The following SGSM1 variants were observed in gnomAD, a reference collection of about 807,000 sequenced individuals.
SGSM1 encodes the protein small G protein signaling modulator 1, also known as RUN and TBC1 domain containing 2.
SGSM1 carries 73 observed loss-of-function variants against 133.8 expected under a neutral mutation model. The observed-to-expected ratio is 0.55, with a 90% CI of 0.45 to 0.66. The LOEUF (loss-of-function observed/expected upper bound fraction) is 0.66. SGSM1 is among the 30% of genes least tolerant of loss of function. The pLI is 0.00. For missense variants in SGSM1, 1,213 were observed against 1,448.1 expected (o/e 0.84, Z 2.64); for synonymous variants, 563 against 573.0 (o/e 0.98, Z 0.25).
intron 9 of SGSM1, among the ~76,000 whole-genome samples, chr22:24,860,922 A>AAATAT (rs1555926666): frequency 1.3e-4 from 5 of 37,608 alleles, no homozygotes; most frequent in African/African-American, 7.7e-4. Flanking sequence ...AAAAAAAAAA[A>AAATAT]ATATATATAT....
At chr22:24,825,387 C>G (rs542994426) in intron 2 of SGSM1, among the ~76,000 whole-genome samples, 4 of 152,248 alleles carry the variant, frequency 2.6e-5, no homozygotes, top group East Asian at 1.9e-4. Context: ...GAGTCACCCC[C>G]TCTTCTCCCC....
chr22:24,892,638 C>T (rs894225506), intron 16 of SGSM1, among the ~76,000 whole-genome samples: 1 of 152,030 alleles, frequency 6.6e-6, no homozygotes, highest in African/African-American at 2.4e-5. Context: ...TCTTGTATTC[C>T]ATATGGCTAG....
chr22:24,888,870 C>T (rs914520402), intron 16 of SGSM1, among the ~76,000 whole-genome samples: 1 of 151,320 alleles, frequency 6.6e-6, no homozygotes, highest in Non-Finnish European at 1.5e-5. Flanking sequence ...TGAATCTGTC[C>T]TTCTGCCAGT....
intron 16 of SGSM1, among the ~76,000 whole-genome samples, chr22:24,890,419 T>C (rs1391648610): frequency 6.8e-6 from 1 of 146,780 alleles, no homozygotes; most frequent in Non-Finnish European, 1.5e-5. Flanking sequence ...GGTAACAGTT[T>C]ATGTAACTAA....
At chr22:24,806,511 C>G in intron 2 of SGSM1, 27 bp downstream of exon 2, 11 of 1,492,428 alleles carry the variant, frequency 7.4e-6, no homozygotes, top group Non-Finnish European at 8.9e-6. Flanking sequence ...GGGCACTGGG[C>G]AGGACTCCCC....
chr22:24,911,289 C>CTTTTT lies in SGSM1; in HGVS notation c.2819-1339_2819-1335dup, dbSNP rs139761. ...AATAAATGGGGAGCATAATTCCCCA[C>CTTTTT]TTTTTTTTTTTTTTTTTTTGAGATG... On this transcript the variant is annotated intron_variant, in intron 21 of 24. Transcript: ENST00000400358. 1.8e-4 allele frequency among the ~76,000 whole-genome samples: 23 copies of CTTTTT among 128,552 alleles called. 3 individuals carry two copies. The highest frequency in any genetic ancestry group is 2.5e-4 in the South Asian group (1 of 4,024). 84.3% of individuals were successfully genotyped at this position (128,552 alleles called of 152,430 possible).
At chr22:24,874,331 A>G (rs1601944229) in intron 12 of SGSM1, 3 of 1,437,886 alleles carry the variant, frequency 2.1e-6, no homozygotes, top group South Asian at 2.9e-5. Flanking sequence ...TGGAGCCCCC[A>G]GAAACTGGCT....
intron 22 of SGSM1, among the ~76,000 whole-genome samples, chr22:24,915,229 A>AAAATAAATAAATAAAT (rs55876996): frequency 4.5e-4 from 68 of 151,192 alleles, no homozygotes; most frequent in Middle Eastern, 3.4e-3. Flanking sequence ...ACTCCGTCTC[A>AAAATAAATAAATAAAT]AAATAAATAA....
At position 24,806,476 on chromosome 22, in the gene SGSM1, A is replaced by T; in HGVS notation, c.55A>T (p.Lys19Ter). Residue 19 changes from lysine to a stop codon, truncating the protein, a stop_gained, in exon 2 of 25, where the codon AAG (lysine) becomes TAG (stop). Coordinates refer to ENST00000400358, the MANE Select transcript of SGSM1 (RefSeq NM_001098497.3). LOFTEE classifies it high-confidence loss of function. ...CCGACAGAGGCTGCTACGCACCGTC[A>T]AGAAGGAGGTGGGTGCCGGGGTGGG... is the stretch of plus-strand genomic sequence containing the variant. ...ETRQRLLRTV[K>*]KEVKQIMEEA... 6.6e-7 allele frequency: 1 copy of T among 1,515,934 alleles called. No individual in the cohort carries two copies. Among genetic ancestry groups the T allele is most frequent in the Admixed American group, 2.2e-5 (1 of 46,088 alleles). 93.9% of individuals were successfully genotyped at this position (1,515,934 alleles called of 1,614,324 possible).
chr22:24,866,070 GC>G (rs889603848), intron 9 of SGSM1, among the ~76,000 whole-genome samples: 3 of 152,144 alleles, frequency 2.0e-5, no homozygotes, highest in African/African-American at 7.2e-5. Flanking sequence ...CATTTCCATG[GC>G]CACCACAAAG....
chr22:24,876,330 C>A (rs1932022436), intron 12 of SGSM1, among the ~76,000 whole-genome samples: 1 of 152,122 alleles, frequency 6.6e-6, no homozygotes, highest in African/African-American at 2.4e-5. Flanking sequence ...TGGCTCTTGG[C>A]TCTCTGTGTC....
intron 2 of SGSM1, among the ~76,000 whole-genome samples, chr22:24,813,508 T>G (rs914420610): frequency 3.3e-5 from 5 of 152,202 alleles, no homozygotes; most frequent in Admixed American, 2.6e-4. Context: ...AAAATGCATG[T>G]GCTTGAATGA....
chr22:24,839,785 G>T (rs1033886122), intron 2 of SGSM1, among the ~76,000 whole-genome samples: 1 of 151,950 alleles, frequency 6.6e-6, no homozygotes, highest in Admixed American at 6.6e-5. Context: ...TTTGTTTATA[G>T]TATTCTCTTA....
chr22:24,823,968 C>T (rs966031506), intron 2 of SGSM1, among the ~76,000 whole-genome samples: 1 of 152,222 alleles, frequency 6.6e-6, no homozygotes, highest in Non-Finnish European at 1.5e-5. Flanking sequence ...TGATATCACC[C>T]ATTTCACAGA....
At chr22:24,912,902 T>G in intron 22 of SGSM1, 150 bp downstream of exon 22, 1 of 592,944 alleles carries the variant, frequency 1.7e-6, no homozygotes. Flanking sequence ...CTCTTATCTC[T>G]GTGGGCCTCA....
chr22:24,808,711 CCTT>C (rs1403044487), intron 2 of SGSM1, among the ~76,000 whole-genome samples: 2 of 152,150 alleles, frequency 1.3e-5, no homozygotes, highest in Non-Finnish European at 2.9e-5. Flanking sequence ...TGCGCAGGTT[CCTT>C]CTTCTCTCTA....
At chr22:24,874,533 A>T in intron 12 of SGSM1, 1 of 1,611,830 alleles carries the variant, frequency 6.2e-7, no homozygotes, top group South Asian at 1.1e-5. Flanking sequence ...AGCCAGCCAG[A>T]TGGGACACTA....
intron 2 of SGSM1, chr22:24,814,147 T>G (rs1320107226): frequency 6.6e-6 from 1 of 152,102 alleles, no homozygotes; most frequent in Non-Finnish European, 1.5e-5. Context: ...CACTCTGAAT[T>G]TGCCAAGTAT....
At chr22:24,825,509 A>T (rs1928745840) in intron 2 of SGSM1, among the ~76,000 whole-genome samples, 1 of 152,172 alleles carries the variant, frequency 6.6e-6, no homozygotes, top group African/African-American at 2.4e-5. Context: ...GGCTCACTGC[A>T]ACCCCTGCCT....
Sources: gnomAD v4.1 joint callset for allele counts (sites outside exome capture counted in the v4.1 genomes callset) on GRCh38, gnomAD v4.1.1 for gene constraint, MANE v1.5 for transcripts, NCBI Gene and HGNC (gene_info 2026-07-23, HGNC 2026-07-21) for gene names.